The following FARS2 variants were observed in gnomAD, a reference collection of about 807,000 sequenced individuals.
The protein encoded by FARS2 is phenylalanine--tRNA ligase, mitochondrial.
In FARS2, 40 loss-of-function variants were observed where a neutral mutation model predicts 46.4. The observed-to-expected ratio is 0.86, with a 90% CI of 0.67 to 1.12. The LOEUF (loss-of-function observed/expected upper bound fraction) is 1.12, where lower values mean the gene tolerates loss of function less well. Among genes scored for constraint, FARS2 ranks in the 50% most tolerant of loss-of-function variants. FARS2 has a pLI of 0.00. For synonymous variants in FARS2, 234 were observed against 214.9 expected, an observed-to-expected ratio of 1.09 and a Z score of -0.78; for missense variants, 513 against 567.9, an observed-to-expected ratio of 0.90 and a Z score of 0.98.
At position 5,343,181 on chromosome 6, in the gene FARS2, C is replaced by G. The variant is rs1456245888; in HGVS notation, c.-21-25369C>G. ...CTGCTGACAAAACTGTTGTTTATTA[C>G]TGTAGACAAAACTGTACATTTCATT... On this transcript the variant is annotated intron_variant, in intron 1 of 6. Transcript: ENST00000274680. This position sits in a 1 kb window ranked among gnomAD's most constrained non-coding sequence, Gnocchi z 4.5. Among the ~76,000 whole-genome samples the G allele has an allele frequency of 6.6e-6, 1 of 152,104 alleles. No homozygotes were observed. Among genetic ancestry groups the G allele is most frequent in the Non-Finnish European group, 1.5e-5 (1 of 68,012 alleles).
intron 5 of FARS2, among the ~76,000 whole-genome samples, chr6:5,603,186 C>T (rs73360219): frequency 0.065 from 9,909 of 152,220 alleles, 877 homozygotes; most frequent in African/African-American, 0.2. Context: ...ACCTCTGCTT[C>T]CTGGGCTCAA....
chr6:5,706,956 C>T (rs1361730850), intron 6 of FARS2, among the ~76,000 whole-genome samples: 1 of 152,226 alleles, frequency 6.6e-6, no homozygotes, highest in Non-Finnish European at 1.5e-5. Context: ...TGAGCAGCAG[C>T]AGCTCAGCTT....
At chr6:5,665,925 T>A (rs1197722369) in intron 6 of FARS2, among the ~76,000 whole-genome samples, 1 of 151,980 alleles carries the variant, frequency 6.6e-6, no homozygotes, top group Non-Finnish European at 1.5e-5. Context: ...TGGGAGGAGT[T>A]GGTGAGGTGG....
chr6:5,749,049 C>T (rs1040597790), intron 6 of FARS2, among the ~76,000 whole-genome samples: 1 of 152,220 alleles, frequency 6.6e-6, no homozygotes, highest in Non-Finnish European at 1.5e-5. Context: ...CCAGAAGTCA[C>T]CTCTACTGCA....
At chr6:5,653,545 G>C (rs4960123) in intron 6 of FARS2, among the ~76,000 whole-genome samples, 62,950 of 152,022 alleles carry the variant, frequency 0.41, 13,699 homozygotes, top group East Asian at 0.57. Flanking sequence ...TAAGAACTAA[G>C]TGACCACAAT....
In FARS2 at chr6:5,613,723, A is replaced by G. The variant is rs1434941309; in HGVS notation, c.1217+403A>G. On this transcript the variant is annotated intron_variant, in intron 6 of 6. Transcript: ENST00000274680. ...AAGCACTTACCACACGCCAAGATCT[A>G]TATTACGTCCTAGGAATTAAATGTG... Among the ~76,000 whole-genome samples the G allele has an allele frequency of 3.9e-5, 6 of 152,350 alleles. 2 individuals are homozygous for G. The South Asian group carries it at 1.0e-3, about 26-fold the overall frequency.
At chr6:5,609,132 A>T in intron 5 of FARS2, 1 of 700,272 alleles carries the variant, frequency 1.4e-6, no homozygotes. Flanking sequence ...AGGCCCTGCC[A>T]CCACTGTGCT....
chr6:5,463,680 A>G (rs180926881), intron 4 of FARS2, among the ~76,000 whole-genome samples: 2 of 146,764 alleles, frequency 1.4e-5, no homozygotes, highest in Admixed American at 1.4e-4. Flanking sequence ...TATCAACAGC[A>G]TTATGAGCAG....
intron 5 of FARS2, among the ~76,000 whole-genome samples, chr6:5,601,559 G>T: frequency 6.8e-6 from 1 of 147,274 alleles, no homozygotes; most frequent in East Asian, 2.0e-4. Flanking sequence ...AAAGACGAGA[G>T]TGGGGAGGCC....
intron 4 of FARS2, among the ~76,000 whole-genome samples, chr6:5,495,713 A>G (rs1767422637): frequency 6.6e-6 from 1 of 152,230 alleles, no homozygotes; most frequent in South Asian, 2.1e-4. Context: ...GTGGTAGCTC[A>G]TAGAGCTTGT....
intron 1 of FARS2, among the ~76,000 whole-genome samples, chr6:5,269,814 CTG>C (rs1404099332): frequency 3.3e-5 from 5 of 152,206 alleles, no homozygotes; most frequent in Admixed American, 6.5e-5. Flanking sequence ...ATACTGTAGA[CTG>C]TTATTAACAA....
intron 2 of FARS2, among the ~76,000 whole-genome samples, chr6:5,381,680 T>G (rs893021023): frequency 6.6e-6 from 1 of 152,142 alleles, no homozygotes; most frequent in African/African-American, 2.4e-5. Context: ...GGGGTTATGT[T>G]TGGTGGTCGA....
At chr6:5,607,776 G>A (rs1479953692) in intron 5 of FARS2, among the ~76,000 whole-genome samples, 2 of 152,134 alleles carry the variant, frequency 1.3e-5, no homozygotes, top group African/African-American at 4.8e-5. Flanking sequence ...TGGGACTGAG[G>A]AGGGACCTTT....
intron 6 of FARS2, among the ~76,000 whole-genome samples, chr6:5,683,027 G>A (rs1009104668): frequency 4.6e-5 from 7 of 152,234 alleles, no homozygotes; most frequent in South Asian, 2.1e-4. Flanking sequence ...TTCAGAGAGG[G>A]AAGCAGGGGC....
At chr6:5,625,371 C>A (rs1323886331) in intron 6 of FARS2, among the ~76,000 whole-genome samples, 2 of 152,176 alleles carry the variant, frequency 1.3e-5, no homozygotes, top group Non-Finnish European at 2.9e-5. Flanking sequence ...CACAGGGGTG[C>A]AGGCTGAGGC....
At chr6:5,746,155 G>A (rs910695440) in intron 6 of FARS2, among the ~76,000 whole-genome samples, 7 of 151,878 alleles carry the variant, frequency 4.6e-5, no homozygotes, top group Non-Finnish European at 4.4e-5. Context: ...ATTCCCAGGC[G>A]GCCGGCAGAT....
chr6:5,405,368 A>G (rs1404977806), intron 3 of FARS2, among the ~76,000 whole-genome samples: 2 of 152,114 alleles, frequency 1.3e-5, no homozygotes, highest in Non-Finnish European at 2.9e-5. Context: ...ACGTTTGCTA[A>G]GAATGATAAT....
chr6:5,546,464 C>A (rs145129998), intron 5 of FARS2, among the ~76,000 whole-genome samples: 4,221 of 151,452 alleles, frequency 0.028, 88 homozygotes, highest in African/African-American at 0.054. Flanking sequence ...GTTGGCCAGG[C>A]TGGTCTCAAA....
intron 4 of FARS2, among the ~76,000 whole-genome samples, chr6:5,474,534 C>G (rs1765997958): frequency 6.6e-6 from 1 of 152,124 alleles, no homozygotes; most frequent in African/African-American, 2.4e-5. Context: ...ATGGTATGGT[C>G]TGTTGCTCCT....
Sources: gnomAD v4.1 joint callset for allele counts (sites outside exome capture counted in the v4.1 genomes callset) on GRCh38, gnomAD v4.1.1 for gene constraint, Gnocchi (gnomAD v3.1) non-coding constraint, MANE v1.5 for transcripts, NCBI Gene and HGNC (gene_info 2026-07-23, HGNC 2026-07-21) for gene names.